The following FBXL17 variants were observed in gnomAD, a reference collection of about 807,000 sequenced individuals.
FBXL17 encodes the protein F-box and leucine rich repeat protein 17.
FBXL17 carries 22 observed loss-of-function variants against 66.2 expected under a neutral mutation model. That is an observed-to-expected ratio of 0.33 (90% CI 0.24 to 0.47). FBXL17 has a LOEUF of 0.47. FBXL17 is among the 20% of genes least tolerant of loss of function. FBXL17 has a pLI of 1.00. For synonymous variants in FBXL17, 474 were observed against 400.5 expected (o/e 1.18, Z -2.19); for missense variants, 878 against 948.2 (o/e 0.93, Z 0.97).
chr5:108,080,668 C>G (rs1295600937), intron 6 of FBXL17, among the ~76,000 whole-genome samples: 2 of 151,876 alleles, frequency 1.3e-5, no homozygotes, highest in Non-Finnish European at 2.9e-5. Flanking sequence ...TACATTGGTT[C>G]AGTCTGAAAA....
intron 7 of FBXL17, among the ~76,000 whole-genome samples, chr5:107,980,124 G>T (rs1471158270): frequency 2.0e-5 from 3 of 152,096 alleles, no homozygotes; most frequent in Non-Finnish European, 4.4e-5. Flanking sequence ...TGCATTATCA[G>T]AAATTTTTAA....
intron 4 of FBXL17, among the ~76,000 whole-genome samples, chr5:108,260,553 G>C (rs894476456): frequency 2.6e-5 from 4 of 152,074 alleles, no homozygotes; most frequent in African/African-American, 9.7e-5. Flanking sequence ...AGGCAACATC[G>C]TATTACAAGG....
intron 4 of FBXL17, among the ~76,000 whole-genome samples, chr5:108,321,582 A>C (rs1759619861): frequency 6.6e-6 from 1 of 151,934 alleles, no homozygotes; most frequent in African/African-American, 2.4e-5. Context: ...CCATATTGTG[A>C]AATTTACATT....
intron 7 of FBXL17, among the ~76,000 whole-genome samples, chr5:107,917,332 T>C (rs1474114641): frequency 6.6e-6 from 1 of 152,130 alleles, no homozygotes; most frequent in Non-Finnish European, 1.5e-5. Context: ...CTATAAAACC[T>C]AAGAATGAAA....
chr5:108,237,601 A>G (rs939855225), intron 4 of FBXL17, among the ~76,000 whole-genome samples: 3 of 152,196 alleles, frequency 2.0e-5, no homozygotes, highest in South Asian at 2.1e-4. Flanking sequence ...TTGCAGGTCC[A>G]TGACTGATGG....
chr5:108,098,746 T>TA (rs10649679), intron 6 of FBXL17, among the ~76,000 whole-genome samples: 78,897 of 118,482 alleles, frequency 0.67, 25,835 homozygotes, highest in East Asian at 0.91. Flanking sequence ...CTCTGTCTCA[T>TA]AAAAAAAAAA....
At chr5:107,883,717 C>A (rs1395915200) in intron 7 of FBXL17, among the ~76,000 whole-genome samples, 2 of 152,160 alleles carry the variant, frequency 1.3e-5, no homozygotes, top group East Asian at 1.9e-4. Flanking sequence ...ATGCCCAGCA[C>A]CTAGCACATG....
chr5:108,146,326 C>A (rs1311442301), intron 6 of FBXL17, among the ~76,000 whole-genome samples: 7 of 151,260 alleles, frequency 4.6e-5, no homozygotes, highest in African/African-American at 1.5e-4. Context: ...AAATGAAGCA[C>A]AAATCCCCAT....
chr5:108,063,563 T>C (rs1748005420), intron 6 of FBXL17, among the ~76,000 whole-genome samples: 1 of 152,138 alleles, frequency 6.6e-6, no homozygotes, highest in Admixed American at 6.6e-5. Context: ...AGAAACCCAA[T>C]CTATGAACTA....
At position 108,176,044 on chromosome 5, in the gene FBXL17, A is replaced by G. The variant is rs563637662; in HGVS notation, c.1745+10073T>C. Among the ~76,000 whole-genome samples the G allele has an allele frequency of 7.9e-5, 12 of 152,274 alleles. No homozygotes were observed. In the South Asian group the frequency reaches 2.5e-3, roughly 32 times the overall value. ...CTTTTGGTTTGGTGAATTAAGAATA[A>G]GACAACTCCTGGGAGAAGTGGGAGA... On this transcript the variant is annotated intron_variant, in intron 6 of 8. Transcript: ENST00000542267.
chr5:108,116,266 T>C (rs1750243662), intron 6 of FBXL17, among the ~76,000 whole-genome samples: 1 of 152,040 alleles, frequency 6.6e-6, no homozygotes, highest in South Asian at 2.1e-4. Flanking sequence ...AGATGGAGAA[T>C]CAAGTTAGGT....
At chr5:108,132,147 T>C (rs192190918) in intron 6 of FBXL17, among the ~76,000 whole-genome samples, 7 of 152,240 alleles carry the variant, frequency 4.6e-5, no homozygotes, top group African/African-American at 1.7e-4. Context: ...CAGCTAATTT[T>C]GTATTTTTAG....
rs541087837 is a variant in FBXL17 at position 107,930,256 on chromosome 5, T to C, written c.1823-49077A>G. Reference sequence around the variant, plus strand: ...ACTTCTTGTCCATTCCCCCTGTTTCTGGGGCTGTGTTCATCTTCCATCATT... The same window carrying C: ...ACTTCTTGTCCATTCCCCCTGTTTCCGGGGCTGTGTTCATCTTCCATCATT... On this transcript the variant is annotated intron_variant, in intron 7 of 8. Coordinates refer to ENST00000542267, the MANE Select transcript of FBXL17 (RefSeq NM_001163315.3). Among the ~76,000 whole-genome samples, 43 of 152,312 alleles carry C rather than the reference T, an allele frequency of 2.8e-4. 1 individual carries two copies. The highest frequency in any genetic ancestry group is 3.4e-3 in the Middle Eastern group (1 of 294).
chr5:108,271,245 A>T (rs1426673488), intron 4 of FBXL17, among the ~76,000 whole-genome samples: 1 of 152,136 alleles, frequency 6.6e-6, no homozygotes, highest in African/African-American at 2.4e-5. Flanking sequence ...CTTCCAGTCT[A>T]TTAAAGAAGG....
At position 108,211,903 on chromosome 5, in the gene FBXL17, A is replaced by C. The variant is rs141480440; in HGVS notation, c.1614+12218T>G. On this transcript the variant is annotated intron_variant, in intron 5 of 8. Coordinates refer to ENST00000542267, the MANE Select transcript of FBXL17 (RefSeq NM_001163315.3). ...TGCTAGGTTGGGGAAGTTCTCCTGG[A>C]TAATATCCTGAAGAGTGTTTTCCAA... is the stretch of plus-strand genomic sequence containing the variant. Among the ~76,000 whole-genome samples the C allele has an allele frequency of 2.9e-4, 44 of 152,272 alleles. 1 individual carries two copies. The Middle Eastern group carries it at 0.01, about 35-fold the overall frequency.
intron 6 of FBXL17, among the ~76,000 whole-genome samples, chr5:108,093,995 G>C (rs1749279192): frequency 6.6e-6 from 1 of 152,024 alleles, no homozygotes; most frequent in South Asian, 2.1e-4. Flanking sequence ...GTAGTTTCTT[G>C]ATCACTTGAT....
chr5:108,145,537 C>T (rs79478846), intron 6 of FBXL17, among the ~76,000 whole-genome samples: 47 of 152,264 alleles, frequency 3.1e-4, no homozygotes, highest in African/African-American at 1.1e-3. Flanking sequence ...CTCCCACTTA[C>T]TTTCATTTAC....
intron 5 of FBXL17, among the ~76,000 whole-genome samples, chr5:108,199,603 T>C (rs941744544): frequency 6.6e-6 from 1 of 152,180 alleles, no homozygotes; most frequent in African/African-American, 2.4e-5. Context: ...AGGATGGCAG[T>C]ATAGAGTTAG....
At chr5:108,174,488 G>T (rs543503976) in intron 6 of FBXL17, among the ~76,000 whole-genome samples, 2 of 152,094 alleles carry the variant, frequency 1.3e-5, no homozygotes, top group South Asian at 2.1e-4. Context: ...AGGTATGCTT[G>T]GTGGTTTTGA....
Sources: allele counts gnomAD v4.1 joint callset (sites outside exome capture counted in the v4.1 genomes callset), GRCh38; gene constraint gnomAD v4.1.1; transcripts MANE v1.5; gene names NCBI Gene and HGNC (gene_info 2026-07-23, HGNC 2026-07-21).